CPQ: variants seen among roughly 807,000 people sequenced by gnomAD.
CPQ encodes the protein carboxypeptidase Q, also known as Ser-Met dipeptidase.
Under a neutral mutation model 45.7 loss-of-function variants are expected in CPQ, and 37 were observed. That is an observed-to-expected ratio of 0.81 (90% CI 0.62 to 1.07). The LOEUF (loss-of-function observed/expected upper bound fraction) is 1.07, where lower values mean the gene tolerates loss of function less well. Ranked by LOEUF, CPQ falls within the 50% of genes least tolerant of loss-of-function variation. The pLI is 0.00. For synonymous variants in CPQ, 186 were observed against 205.8 expected (o/e 0.90, Z 0.82); for missense variants, 537 against 572.9 (o/e 0.94, Z 0.64).
chr8:96,917,952 C>T (rs918974881), intron 4 of CPQ, among the ~76,000 whole-genome samples: 21 of 152,220 alleles, frequency 1.4e-4, no homozygotes, highest in African/African-American at 5.1e-4. Flanking sequence ...AACTAGAGTA[C>T]AGTGCTTATA....
Position 97,062,093 on chromosome 8 carries a change from C to T in CPQ, c.1054-3916C>T, listed in dbSNP as rs1417224686. Among the ~76,000 whole-genome samples the T allele has an allele frequency of 2.0e-5, 3 of 152,274 alleles. No homozygotes were observed. The East Asian group carries it at 5.8e-4, about 29-fold the overall frequency. The stretch of plus-strand genomic sequence containing the variant: ...CAATGGCATTCACAAACTGTGAAGT[C>T]CCCTGTCCCTAGGACATCTGTTCAT... On this transcript the variant is annotated intron_variant, in intron 6 of 7. Transcript: ENST00000220763.
chr8:96,720,647 CT>C (rs978768229), intron 1 of CPQ, among the ~76,000 whole-genome samples: 1 of 150,534 alleles, frequency 6.6e-6, no homozygotes, highest in East Asian at 2.0e-4. Context: ...GTTTCTCTAT[CT>C]TTTTTTTCAT....
intron 1 of CPQ, among the ~76,000 whole-genome samples, chr8:96,694,421 T>A (rs1217538221): frequency 2.0e-5 from 3 of 151,996 alleles, no homozygotes; most frequent in Admixed American, 2.0e-4. Flanking sequence ...GTAGATCAAA[T>A]GGACCTAATA....
chr8:97,117,818 T>C (rs1473025527), intron 7 of CPQ, among the ~76,000 whole-genome samples: 2 of 152,168 alleles, frequency 1.3e-5, no homozygotes, highest in Non-Finnish European at 2.9e-5. Flanking sequence ...GAAACCTAGC[T>C]TCCCAAAGTG....
intron 1 of CPQ, among the ~76,000 whole-genome samples, chr8:96,722,480 G>C (rs113722821): frequency 6.6e-6 from 1 of 151,956 alleles, no homozygotes; most frequent in African/African-American, 2.4e-5. Context: ...GCAGAATTGC[G>C]TAGTTAGGAT....
chr8:97,016,924 G>GCA (rs1419197369), intron 5 of CPQ, among the ~76,000 whole-genome samples: 1 of 152,198 alleles, frequency 6.6e-6, no homozygotes, highest in Non-Finnish European at 1.5e-5. Context: ...CTGTCACTCG[G>GCA]ATGGACAGAA....
chr8:96,733,497 C>T (rs1014180107), intron 1 of CPQ, among the ~76,000 whole-genome samples: 6 of 152,058 alleles, frequency 3.9e-5, no homozygotes, highest in African/African-American at 1.4e-4. Flanking sequence ...TCCAATCTAT[C>T]GTTACTTAGT....
intron 1 of CPQ, among the ~76,000 whole-genome samples, chr8:96,685,535 A>G (rs188946748): frequency 6.6e-6 from 1 of 152,034 alleles, no homozygotes; most frequent in African/African-American, 2.4e-5. Flanking sequence ...AAAATTTTCT[A>G]ACTATATTTG....
At chr8:96,773,008 T>G (rs941163666) in intron 1 of CPQ, among the ~76,000 whole-genome samples, 3 of 152,162 alleles carry the variant, frequency 2.0e-5, no homozygotes, top group African/African-American at 4.8e-5. Context: ...TCAAGTAAAT[T>G]GTTCAAGGTC....
chr8:97,060,991 T>C (rs1810540473), intron 6 of CPQ, among the ~76,000 whole-genome samples: 1 of 152,188 alleles, frequency 6.6e-6, no homozygotes, highest in Non-Finnish European at 1.5e-5. Context: ...GAAAAAGCAG[T>C]GTCATGGACG....
intron 1 of CPQ, among the ~76,000 whole-genome samples, chr8:96,710,248 T>C (rs1008361238): frequency 6.6e-6 from 1 of 152,164 alleles, no homozygotes; most frequent in Non-Finnish European, 1.5e-5. Context: ...TCCATTTTTA[T>C]TTCTAATTGA....
At chr8:96,828,108 T>C (rs1264672381) in intron 2 of CPQ, among the ~76,000 whole-genome samples, 1 of 152,026 alleles carries the variant, frequency 6.6e-6, no homozygotes, top group East Asian at 1.9e-4. Context: ...CATCATGCTG[T>C]TACTGAAAGT....
chr8:96,991,454 G>T (rs891023698), intron 5 of CPQ, among the ~76,000 whole-genome samples: 2 of 151,836 alleles, frequency 1.3e-5, no homozygotes, highest in Non-Finnish European at 2.9e-5. Context: ...TACTCTAGAG[G>T]CTGAGGCACA....
At chr8:96,922,977 C>A (rs1466977708) in intron 4 of CPQ, among the ~76,000 whole-genome samples, 5 of 152,136 alleles carry the variant, frequency 3.3e-5, no homozygotes, top group Non-Finnish European at 7.4e-5. Context: ...ATAAGATTAG[C>A]TGACTTTTAA....
chr8:97,107,705 A>C (rs1811427079), intron 7 of CPQ, among the ~76,000 whole-genome samples: 1 of 152,142 alleles, frequency 6.6e-6, no homozygotes, highest in Non-Finnish European at 1.5e-5. Context: ...TGGCTGGAGA[A>C]GGGCCAGAAT....
intron 5 of CPQ, among the ~76,000 whole-genome samples, chr8:96,995,442 G>A (rs934346954): frequency 6.6e-6 from 1 of 151,988 alleles, no homozygotes; most frequent in Non-Finnish European, 1.5e-5. Context: ...GCTGATTTAT[G>A]TGGGGGAAAA....
At chr8:96,824,533 A>G (rs997880151) in intron 2 of CPQ, among the ~76,000 whole-genome samples, 32 of 152,032 alleles carry the variant, frequency 2.1e-4, no homozygotes, top group African/African-American at 7.7e-4. Context: ...CCTACAATCC[A>G]ATGGAAATTC....
At chr8:96,905,909 A>C (rs990817610) in intron 4 of CPQ, among the ~76,000 whole-genome samples, 12 of 152,272 alleles carry the variant, frequency 7.9e-5, no homozygotes, top group African/African-American at 2.9e-4. Context: ...GACTGTTAGC[A>C]TGCAGTTGTG....
intron 5 of CPQ, among the ~76,000 whole-genome samples, chr8:97,025,890 T>C (rs1048903453): frequency 1.3e-5 from 2 of 152,218 alleles, no homozygotes; most frequent in African/African-American, 4.8e-5. Context: ...ATATTTAGCC[T>C]TTTGACTTTA....
Sources: allele counts gnomAD v4.1 joint callset (sites outside exome capture counted in the v4.1 genomes callset), GRCh38; gene constraint gnomAD v4.1.1; transcripts MANE v1.5; gene names NCBI Gene and HGNC (gene_info 2026-07-23, HGNC 2026-07-21).